WWOX: variants seen among roughly 807,000 people sequenced by gnomAD.
WWOX encodes the protein WW domain-containing oxidoreductase.
A neutral mutation model predicts 46.2 loss-of-function variants in WWOX; 69 were observed. The ratio of observed to expected loss-of-function variants is 1.49; its 90% CI spans 1.23 to 1.82. The LOEUF (loss-of-function observed/expected upper bound fraction) is 1.82, where lower values mean the gene tolerates loss of function less well. WWOX is among the 40% of genes most tolerant of loss of function. The pLI, the probability that WWOX is intolerant of heterozygous loss-of-function variation, is 0.00. For missense variants in WWOX, 919 were observed against 542.6 expected, an observed-to-expected ratio of 1.69 and a Z score of -6.89; for synonymous variants, 359 against 202.6, an observed-to-expected ratio of 1.77 and a Z score of -6.56.
chr16:78,172,047 C>A (rs2035179945), intron 5 of WWOX, among the ~76,000 whole-genome samples: 1 of 152,172 alleles, frequency 6.6e-6, no homozygotes, highest in African/African-American at 2.4e-5. Flanking sequence ...CTTTCCCAGG[C>A]TCACACAGCT....
At chr16:78,518,767 G>A (rs2043290114) in intron 8 of WWOX, among the ~76,000 whole-genome samples, 2 of 152,128 alleles carry the variant, frequency 1.3e-5, no homozygotes, top group African/African-American at 4.8e-5. Flanking sequence ...CAGCTTCCTA[G>A]GAGGTGTCTG....
intron 8 of WWOX, among the ~76,000 whole-genome samples, chr16:79,067,990 G>A (rs1024367283): frequency 3.9e-5 from 6 of 152,178 alleles, no homozygotes; most frequent in African/African-American, 1.4e-4. Context: ...CTGCACAAAA[G>A]CAGAACTCAC....
At chr16:78,261,228 A>G (rs1437411282) in intron 5 of WWOX, among the ~76,000 whole-genome samples, 2 of 150,672 alleles carry the variant, frequency 1.3e-5, no homozygotes, top group African/African-American at 4.9e-5. Context: ...CTAGTCCTGC[A>G]CGTGTAGAAA....
chr16:78,906,953 G>A (rs147104307), intron 8 of WWOX, among the ~76,000 whole-genome samples: 1,884 of 152,302 alleles, frequency 0.012, 27 homozygotes, highest in South Asian at 0.032. Flanking sequence ...GGCAGGTGGT[G>A]ATAACGTAAC....
chr16:78,540,484 G>C (rs961178454), intron 8 of WWOX, among the ~76,000 whole-genome samples: 2 of 152,016 alleles, frequency 1.3e-5, no homozygotes, highest in Non-Finnish European at 2.9e-5. Context: ...CATTGATGTG[G>C]GGTAAAATGA....
chr16:78,819,884 C>G (rs776529724), intron 8 of WWOX, among the ~76,000 whole-genome samples: 17 of 152,166 alleles, frequency 1.1e-4, no homozygotes, highest in Non-Finnish European at 2.1e-4. Context: ...GACTTGAACT[C>G]GATTCTGAGT....
chr16:78,137,235 C>T (rs912833773), intron 4 of WWOX, among the ~76,000 whole-genome samples: 5 of 152,140 alleles, frequency 3.3e-5, no homozygotes, highest in East Asian at 3.9e-4. Context: ...AAGACTGCAA[C>T]GTAAATGTGT....
intron 8 of WWOX, among the ~76,000 whole-genome samples, chr16:78,989,729 G>GTGGAGCAGA (rs1282805070): frequency 6.6e-6 from 1 of 152,038 alleles, no homozygotes; most frequent in African/African-American, 2.4e-5. Flanking sequence ...AATGGAGCAG[G>GTGGAGCAGA]TGTGCAAAGA....
chr16:78,702,100 T>TTTTATATATATATATATATATA (rs1491267639), intron 8 of WWOX, among the ~76,000 whole-genome samples: 11 of 81,226 alleles, frequency 1.4e-4, no homozygotes, highest in African/African-American at 6.8e-4. Context: ...ATCTATAAAG[T>TTTTATATATATATATATATATA]TATATATATA....
chr16:78,783,922 G>T (rs934119678), intron 8 of WWOX, among the ~76,000 whole-genome samples: 1 of 151,898 alleles, frequency 6.6e-6, no homozygotes, highest in Non-Finnish European at 1.5e-5. Flanking sequence ...TGATGATGTC[G>T]ATAATGATGG....
intron 4 of WWOX, among the ~76,000 whole-genome samples, chr16:78,129,768 G>T (rs774022616): frequency 1.3e-5 from 2 of 151,268 alleles, no homozygotes; most frequent in Non-Finnish European, 2.9e-5. Context: ...TTACTTAAAT[G>T]TAGATTTATG....
intron 8 of WWOX, among the ~76,000 whole-genome samples, chr16:78,717,259 C>T (rs921386357): frequency 6.6e-6 from 1 of 152,024 alleles, no homozygotes; most frequent in Non-Finnish European, 1.5e-5. Context: ...AATTGGAAAA[C>T]CATGGAATAT....
intron 8 of WWOX, among the ~76,000 whole-genome samples, chr16:78,830,629 T>C (rs2051793773): frequency 6.6e-6 from 1 of 151,918 alleles, no homozygotes; most frequent in African/African-American, 2.4e-5. Context: ...AAATTGAATC[T>C]CAGTACCTCT....
At chr16:78,214,213 A>G (rs1343474870) in intron 5 of WWOX, among the ~76,000 whole-genome samples, 1 of 152,116 alleles carries the variant, frequency 6.6e-6, no homozygotes, top group Admixed American at 6.5e-5. Flanking sequence ...ACCCAAAGTC[A>G]CCGCAGCTCC....
intron 5 of WWOX, among the ~76,000 whole-genome samples, chr16:78,296,842 C>T (rs554420187): frequency 2.6e-5 from 4 of 152,180 alleles, no homozygotes; most frequent in Admixed American, 6.5e-5. Context: ...CTCTGGGTCT[C>T]GTTCGGTTGT....
intron 5 of WWOX, among the ~76,000 whole-genome samples, chr16:78,378,318 A>C (rs919495455): frequency 6.6e-6 from 1 of 152,178 alleles, no homozygotes; most frequent in South Asian, 2.1e-4. Context: ...TTATGAGGGC[A>C]TACTTTTCAT....
At chr16:78,104,911 G>A (rs2032044797) in intron 1 of WWOX, among the ~76,000 whole-genome samples, 1 of 152,314 alleles carries the variant, frequency 6.6e-6, no homozygotes, top group African/African-American at 2.4e-5. Flanking sequence ...TGAGGCATGG[G>A]ATTAAATGAC....
At chr16:78,583,068 C>G (rs141016334) in intron 8 of WWOX, among the ~76,000 whole-genome samples, 1 of 152,198 alleles carries the variant, frequency 6.6e-6, no homozygotes. Context: ...TTCCCTTCTC[C>G]GAGCAGAGCT....
chr16:78,501,709 G>T (rs544452358), intron 8 of WWOX, among the ~76,000 whole-genome samples: 2 of 151,956 alleles, frequency 1.3e-5, no homozygotes, highest in Admixed American at 1.3e-4. Flanking sequence ...GGTAATTTTT[G>T]TACTTTTATT....
Sources: gnomAD v4.1 joint callset for allele counts (sites outside exome capture counted in the v4.1 genomes callset) on GRCh38, gnomAD v4.1.1 for gene constraint, MANE v1.5 for transcripts, NCBI Gene and HGNC (gene_info 2026-07-23, HGNC 2026-07-21) for gene names.